PCNX4: variants seen among roughly 807,000 people sequenced by gnomAD.
PCNX4 encodes the protein pecanex-like protein 4.
Under a neutral mutation model 107.2 loss-of-function variants are expected in PCNX4, and 103 were observed. The observed-to-expected ratio is 0.96, with a 90% CI of 0.82 to 1.13. PCNX4 has a LOEUF of 1.13. PCNX4 is among the 50% of genes most tolerant of loss of function. The pLI is 0.00. For missense variants in PCNX4, 1,528 were observed against 1,379.4 expected (o/e 1.11, Z -1.71); for synonymous variants, 541 against 481.7 (o/e 1.12, Z -1.61).
In PCNX4 at chr14:60,143,268, T is replaced by C. The variant is rs947198470; in HGVS notation, c.*9047T>C. On this transcript the variant is annotated 3_prime_UTR_variant, in exon 11 of 11. Transcript: ENST00000406854. ...CAAATCTCCCTTTTCTGAACTATTATGCTTATAGTCTGTACCAGGCCACAT... is the reference window on the plus strand; with the variant it reads ...CAAATCTCCCTTTTCTGAACTATTACGCTTATAGTCTGTACCAGGCCACAT... 6.6e-6 allele frequency: 1 copy of C among 152,244 alleles called. No homozygotes were observed. Among genetic ancestry groups the C allele is most frequent in the African/African-American group, 2.4e-5 (1 of 41,458 alleles). The allele number at this position is 152,244 out of a possible 1,614,324, so 9.4% of individuals were successfully genotyped here.
intron 1 of PCNX4, among the ~76,000 whole-genome samples, chr14:60,097,979 G>A (rs1895458123): frequency 6.6e-6 from 1 of 152,212 alleles, no homozygotes; most frequent in South Asian, 2.1e-4. Context: ...TGGATTGACA[G>A]AGCAGGAGCA....
intron 1 of PCNX4, among the ~76,000 whole-genome samples, chr14:60,092,812 C>G (rs943464924): frequency 2.0e-5 from 3 of 152,186 alleles, no homozygotes; most frequent in Non-Finnish European, 4.4e-5. Context: ...AGCGCTCCTT[C>G]CCCACTGATC....
chr14:60,128,491 C>G (rs1162681148), intron 10 of PCNX4, among the ~76,000 whole-genome samples: 2 of 152,210 alleles, frequency 1.3e-5, no homozygotes, highest in Non-Finnish European at 2.9e-5. Flanking sequence ...GACCCTATAT[C>G]TAGCAAAGTG....
At chr14:60,126,763 C>T (rs758534831) in intron 10 of PCNX4, among the ~76,000 whole-genome samples, 9 of 152,172 alleles carry the variant, frequency 5.9e-5, no homozygotes, top group Non-Finnish European at 1.0e-4. Context: ...AGTAAAGATT[C>T]CCTTCTGGCC....
rs1896288944 is a variant in PCNX4, at chr14:60,140,039, A to AAG, written c.*5818_*5819insAG. 2.6e-5 allele frequency: 4 copies of AAG among 152,312 alleles called. No homozygotes were observed. In the South Asian group the frequency reaches 8.3e-4, roughly 32 times the overall value. The allele number at this position is 152,312 out of a possible 1,614,324, so 9.4% of individuals were successfully genotyped here. A position where few individuals can be genotyped will look rare whatever the true frequency, so the allele number is the denominator to read the frequency against. ...CTGAAGAAAATAAAGGAAATAATAA[A>AAG]GAACAAGAATTAATGGAGTAGAAAA... On this transcript the variant is annotated 3_prime_UTR_variant, in exon 11 of 11. Transcript: ENST00000406854. This position sits in a 1 kb window ranked among gnomAD's most constrained non-coding sequence, Gnocchi z 4.2.
chr14:60,147,739 G>T lies in PCNX4; in HGVS notation c.*13518G>T, dbSNP rs1896444363. ...ATATTAATAGATGGGGAGACTGAGT[G>T]ATAGAGAAGTAACTTGCTTTAAGGG... On this transcript the variant is annotated 3_prime_UTR_variant, in exon 11 of 11. Transcript: ENST00000406854. 6.6e-6 allele frequency: 1 copy of T among 152,286 alleles called. No individual in the cohort carries two copies. Among genetic ancestry groups the T allele is most frequent in the South Asian group, 2.1e-4 (1 of 4,826 alleles). 9.4% of individuals were successfully genotyped at this position (152,286 alleles called of 1,614,324 possible). A position where few individuals can be genotyped will look rare whatever the true frequency, so the allele number is the denominator to read the frequency against.
chr14:60,122,458 A>G (rs928237759), intron 8 of PCNX4, among the ~76,000 whole-genome samples: 24 of 151,852 alleles, frequency 1.6e-4, no homozygotes, highest in African/African-American at 5.6e-4. Context: ...CTACTTGCAT[A>G]TAATCACCTA....
chr14:60,127,619 CATA>C (rs1334335345), intron 10 of PCNX4, among the ~76,000 whole-genome samples: 3 of 152,106 alleles, frequency 2.0e-5, no homozygotes, highest in African/African-American at 7.2e-5. Context: ...CAAACAAGTA[CATA>C]ATAATAACAA....
intron 10 of PCNX4, among the ~76,000 whole-genome samples, chr14:60,130,520 CAAG>C (rs1307463267): frequency 6.6e-6 from 1 of 152,002 alleles, no homozygotes; most frequent in African/African-American, 2.4e-5. Context: ...ATCAAGAAGA[CAAG>C]AATGTCTACC....
At chr14:60,093,912 T>C (rs1395907138) in intron 1 of PCNX4, among the ~76,000 whole-genome samples, 1 of 152,248 alleles carries the variant, frequency 6.6e-6, no homozygotes, top group Non-Finnish European at 1.5e-5. Context: ...TACCTCATTA[T>C]GGTTTCAGTT....
At position 60,092,165 on chromosome 14, in the gene PCNX4, G is replaced by C. The variant is rs993547081; in HGVS notation, c.-308G>C. 2.6e-5 allele frequency: 4 copies of C among 152,330 alleles called. No homozygotes were observed. Among genetic ancestry groups the C allele is most frequent in the African/African-American group, 9.6e-5 (4 of 41,476 alleles). 9.4% of individuals were successfully genotyped at this position (152,330 alleles called of 1,614,324 possible). On this transcript the variant is annotated 5_prime_UTR_variant, in exon 1 of 11. Transcript: ENST00000406854. ...ACCGGGGCAGCGAGGCCAGCCAGGC[G>C]CCGACGAGGTCCCCGAACGCGCACG...
intron 7 of PCNX4, 44 bp from the exon 8 acceptor site, chr14:60,121,152 A>G: frequency 6.5e-7 from 1 of 1,546,564 alleles, no homozygotes; most frequent in Non-Finnish European, 8.7e-7. Context: ...GAAGTTTGAA[A>G]ATGATTTTCT....
Position 60,123,777 on chromosome 14 carries a change from C to A in PCNX4, c.2047-441C>A, listed in dbSNP as rs867529542. On this transcript the variant is annotated intron_variant, in intron 8 of 10. Coordinates refer to ENST00000406854, the MANE Select transcript of PCNX4 (RefSeq NM_001330177.2). ...AACAGGAGACTGATAAATTCTGGCACATCCATACACTGAATAATGCTATTA... is the reference window on the plus strand; with the variant it reads ...AACAGGAGACTGATAAATTCTGGCAAATCCATACACTGAATAATGCTATTA... Among the ~76,000 whole-genome samples, 5 of 152,220 alleles carry A rather than the reference C, an allele frequency of 3.3e-5. No individual in the cohort carries two copies. In the Middle Eastern group the frequency reaches 0.014, roughly 414 times the overall value.
chr14:60,106,490 C>A (rs1307482692), intron 1 of PCNX4, among the ~76,000 whole-genome samples: 2 of 152,162 alleles, frequency 1.3e-5, no homozygotes, highest in African/African-American at 4.8e-5. Context: ...CCCACAGACA[C>A]GGAGGGCCAG....
rs1350171573 is a variant in PCNX4, at chr14:60,140,895, G to A, written c.*6674G>A. ...ATTTCTTATTACTCAGGGTAAACAA[G>A]TGCACCTGCCCACCTTTGCACTCGT... is the stretch of plus-strand genomic sequence containing the variant. On this transcript the variant is annotated 3_prime_UTR_variant, in exon 11 of 11. Transcript: ENST00000406854. This position sits in a 1 kb window ranked among gnomAD's most constrained non-coding sequence, Gnocchi z 4.2. 3.9e-5 allele frequency: 6 copies of A among 152,150 alleles called. No homozygotes were observed. The East Asian group carries it at 1.2e-3, about 29-fold the overall frequency. 9.4% of individuals were successfully genotyped at this position (152,150 alleles called of 1,614,324 possible).
chr14:60,107,914 A>G lies in PCNX4; in HGVS notation c.276A>G (p.Leu92=), dbSNP rs368770593. 6.7e-5 allele frequency: 108 copies of G among 1,612,798 alleles called. No individual in the cohort carries two copies. The highest frequency in any genetic ancestry group is 8.1e-5 in the Non-Finnish European group (96 of 1,179,912). ...FTAFVIQFTS[L]YAKNKSTTVE... is the part of the protein sequence containing the mutation. Reference sequence around the variant, plus strand: ...CATTTGTCATCCAGTTCACAAGTTTATACGCCAAAAACAAATCAACAACAG... The same window carrying G: ...CATTTGTCATCCAGTTCACAAGTTTGTACGCCAAAAACAAATCAACAACAG... The change falls in exon 2 of 11, where the codon TTA becomes TTG. Residue 92 remains leucine, a synonymous_variant. Transcript: ENST00000406854.
At chr14:60,128,753 A>T (rs1301191352) in intron 10 of PCNX4, among the ~76,000 whole-genome samples, 1 of 152,242 alleles carries the variant, frequency 6.6e-6, no homozygotes, top group Non-Finnish European at 1.5e-5. Context: ...AACAATATGT[A>T]TTCATGTATT....
chr14:60,114,905 A>G (rs765855187), intron 3 of PCNX4, 26 bp downstream of exon 3: 2 of 1,576,566 alleles, frequency 1.3e-6, no homozygotes, highest in Non-Finnish European at 1.7e-6. Flanking sequence ...TATTGATGTT[A>G]TATGTAATAT....
chr14:60,145,481 G>C lies in PCNX4; in HGVS notation c.*11260G>C, dbSNP rs373225766. ...GCAGATCACCTGAGGTCAGGAGTTA[G>C]AGACCAGCCTGGCAAAACCCCATCT... On this transcript the variant is annotated 3_prime_UTR_variant, in exon 11 of 11. Coordinates refer to ENST00000406854, the MANE Select transcript of PCNX4 (RefSeq NM_001330177.2). The surrounding 1 kb of genome is among the most constrained non-coding windows in gnomAD (Gnocchi z 4.0). The C allele has an allele frequency of 3.3e-5, 5 of 152,438 alleles. No homozygotes were observed. The East Asian group carries it at 9.6e-4, about 29-fold the overall frequency. 9.4% of individuals were successfully genotyped at this position (152,438 alleles called of 1,614,324 possible). A position where few individuals can be genotyped will look rare whatever the true frequency, so the allele number is the denominator to read the frequency against.
Sources: allele counts gnomAD v4.1 joint callset (sites outside exome capture counted in the v4.1 genomes callset), GRCh38; gene constraint gnomAD v4.1.1; non-coding constraint Gnocchi (gnomAD v3.1); transcripts MANE v1.5; gene names NCBI Gene and HGNC (gene_info 2026-07-23, HGNC 2026-07-21).